The following BABAM2 variants were observed in gnomAD, a reference collection of about 807,000 sequenced individuals.
BABAM2 encodes the protein BRISC and BRCA1 A complex member 2.
A neutral mutation model predicts 54.7 loss-of-function variants in BABAM2; 31 were observed. The ratio of observed to expected loss-of-function variants is 0.57; its 90% CI spans 0.43 to 0.77. The LOEUF is 0.77. Among genes scored for constraint, BABAM2 ranks in the 30% least tolerant of loss-of-function variants. The probability of loss-of-function intolerance (pLI) is 0.00; values close to 1 mark genes in which losing one functional copy is unlikely to be tolerated. For missense variants in BABAM2, 364 were observed against 455.8 expected, an observed-to-expected ratio of 0.80 and a Z score of 1.83; for synonymous variants, 167 against 162.9, an observed-to-expected ratio of 1.03 and a Z score of -0.19.
intron 7 of BABAM2, among the ~76,000 whole-genome samples, chr2:28,220,131 G>C (rs1369524943): frequency 6.6e-6 from 1 of 152,182 alleles, no homozygotes; most frequent in Non-Finnish European, 1.5e-5. Context: ...AAAACGAACT[G>C]ATTGTCGAAG....
chr2:28,073,183 G>A (rs1664329202), intron 6 of BABAM2, among the ~76,000 whole-genome samples: 1 of 151,962 alleles, frequency 6.6e-6, no homozygotes, highest in Admixed American at 6.6e-5. Context: ...CTTAACTATT[G>A]TCCTTTTTTC....
chr2:28,130,865 G>A (rs1388537728), intron 7 of BABAM2, among the ~76,000 whole-genome samples: 9 of 151,606 alleles, frequency 5.9e-5, no homozygotes, highest in Non-Finnish European at 1.0e-4. Flanking sequence ...TCAGCCTCCC[G>A]AGTACCTGGG....
intron 10 of BABAM2, among the ~76,000 whole-genome samples, chr2:28,258,615 C>T (rs114723968): frequency 7.5e-4 from 75 of 100,008 alleles, no homozygotes; most frequent in South Asian, 2.3e-3. Context: ...TTTTTCTTTT[C>T]TTTTTTTTTT....
At chr2:28,273,936 A>G (rs1345749730) in intron 10 of BABAM2, among the ~76,000 whole-genome samples, 3 of 152,234 alleles carry the variant, frequency 2.0e-5, no homozygotes, top group Non-Finnish European at 4.4e-5. Context: ...ATTAAATCAC[A>G]TGAAAGCAAA....
At chr2:28,178,216 A>C (rs775028489) in intron 7 of BABAM2, among the ~76,000 whole-genome samples, 2 of 152,184 alleles carry the variant, frequency 1.3e-5, no homozygotes, top group Non-Finnish European at 2.9e-5. Flanking sequence ...TCAACAGCAC[A>C]TGGAACATTT....
intron 3 of BABAM2, among the ~76,000 whole-genome samples, chr2:27,976,058 A>G (rs142184001): frequency 6.6e-6 from 1 of 152,274 alleles, no homozygotes; most frequent in East Asian, 1.9e-4. Flanking sequence ...AATTGACCAT[A>G]TTAAATGTTG....
chr2:28,167,896 A>G (rs891057947), intron 7 of BABAM2, among the ~76,000 whole-genome samples: 1 of 152,086 alleles, frequency 6.6e-6, no homozygotes, highest in Non-Finnish European at 1.5e-5. Flanking sequence ...TTTAATCTGT[A>G]TTTCTACTCC....
chr2:28,280,878 G>A (rs888641459), intron 10 of BABAM2, among the ~76,000 whole-genome samples: 1 of 151,972 alleles, frequency 6.6e-6, no homozygotes, highest in Non-Finnish European at 1.5e-5. Context: ...TGAGTAAGGC[G>A]GGGGGGCAGT....
At chr2:28,025,634 A>G (rs1675599304) in intron 5 of BABAM2, 1 of 474,668 alleles carries the variant, frequency 2.1e-6, no homozygotes, top group African/African-American at 2.0e-5. Flanking sequence ...TAAGATTCAG[A>G]GTCTCATCCC....
intron 2 of BABAM2, among the ~76,000 whole-genome samples, chr2:27,902,756 T>G (rs957273248): frequency 6.6e-6 from 1 of 152,216 alleles, no homozygotes; most frequent in African/African-American, 2.4e-5. Context: ...GGTAATTACA[T>G]GTATTACAAA....
At chr2:27,959,652 G>A (rs148804469) in intron 3 of BABAM2, among the ~76,000 whole-genome samples, 136 of 151,948 alleles carry the variant, frequency 9.0e-4, no homozygotes, top group Middle Eastern at 3.4e-3. Flanking sequence ...TGCAATACAT[G>A]TAGATAACTC....
chr2:28,185,191 TA>T (rs1676149584), intron 7 of BABAM2, among the ~76,000 whole-genome samples: 2 of 152,162 alleles, frequency 1.3e-5, no homozygotes, highest in African/African-American at 4.8e-5. Context: ...ATTAATATAT[TA>T]AAACCCCATT....
At chr2:28,033,899 G>C (rs986887492) in intron 5 of BABAM2, among the ~76,000 whole-genome samples, 1 of 151,810 alleles carries the variant, frequency 6.6e-6, no homozygotes, top group Non-Finnish European at 1.5e-5. Flanking sequence ...AGAGAAAACA[G>C]TTTTTTAAGC....
At chr2:28,126,980 T>A (rs1389960185) in intron 6 of BABAM2, among the ~76,000 whole-genome samples, 2 of 151,406 alleles carry the variant, frequency 1.3e-5, no homozygotes, top group African/African-American at 4.9e-5. Context: ...GCCCACTTTT[T>A]GATGGGGTTG....
In BABAM2 at chr2:28,244,840, A is replaced by C. The variant is rs1682771225; in HGVS notation, c.912A>C (p.Lys304Asn). 2.5e-6 allele frequency: 4 copies of C among 1,613,952 alleles called. No homozygotes were observed. Among genetic ancestry groups the C allele is most frequent in the Non-Finnish European group, 3.4e-6 (4 of 1,179,956 alleles). Residue 304 changes from lysine to asparagine, a missense_variant, in exon 10 of 12, where the codon AAA (lysine) becomes AAC (asparagine). Physicochemically the swap from Lys to Asn is moderately conservative, Grantham distance 94. Transcript: ENST00000379624. ...FTKLTLLLMWKDFCFLVHIDL... is the reference protein window; with the variant it reads ...FTKLTLLLMWNDFCFLVHIDL... Reference sequence around the variant, plus strand: ...AACTCACTCTGCTGCTGATGTGGAAAGATTTTTGTTTTCTTGTACACAGTG... The same window carrying C: ...AACTCACTCTGCTGCTGATGTGGAACGATTTTTGTTTTCTTGTACACAGTG...
intron 11 of BABAM2, among the ~76,000 whole-genome samples, chr2:28,300,195 T>A (rs796483296): frequency 1.3e-5 from 2 of 152,254 alleles, no homozygotes; most frequent in African/African-American, 4.8e-5. Context: ...CACCTCAGCC[T>A]CCCAAAGTGC....
At chr2:28,046,183 G>A (rs1319737043) in intron 6 of BABAM2, among the ~76,000 whole-genome samples, 3 of 152,166 alleles carry the variant, frequency 2.0e-5, no homozygotes, top group Non-Finnish European at 2.9e-5. Context: ...GGCCGGGCGC[G>A]GTGGCTCATG....
chr2:28,187,056 C>T (rs1179390413), intron 7 of BABAM2, among the ~76,000 whole-genome samples: 7 of 152,198 alleles, frequency 4.6e-5, no homozygotes, highest in South Asian at 2.1e-4. Flanking sequence ...CTGTCCACCT[C>T]GGCCTCCCAA....
At chr2:27,898,966 A>C (rs1168133170) in intron 2 of BABAM2, among the ~76,000 whole-genome samples, 2 of 152,018 alleles carry the variant, frequency 1.3e-5, no homozygotes, top group East Asian at 3.9e-4. Flanking sequence ...TTAAAAAAAA[A>C]AAACCAAACA....
Sources: gnomAD v4.1 joint callset for allele counts (sites outside exome capture counted in the v4.1 genomes callset) on GRCh38, gnomAD v4.1.1 for gene constraint, MANE v1.5 for transcripts, NCBI Gene and HGNC (gene_info 2026-07-23, HGNC 2026-07-21) for gene names.